The following CDH22 variants were observed in gnomAD, a reference collection of about 807,000 sequenced individuals.
CDH22 encodes cadherin 22, also known as cadherin-22.
Under a neutral mutation model 58.4 loss-of-function variants are expected in CDH22, and 30 were observed. The ratio of observed to expected loss-of-function variants is 0.51; its 90% CI spans 0.38 to 0.70. The LOEUF (loss-of-function observed/expected upper bound fraction) is 0.70. Ranked by LOEUF, CDH22 falls within the 30% of genes least tolerant of loss-of-function variation. The probability of loss-of-function intolerance (pLI) is 0.00; values close to 1 mark genes in which losing one functional copy is unlikely to be tolerated. For missense variants in CDH22, 1,014 were observed against 1,233.9 expected, an observed-to-expected ratio of 0.82 and a Z score of 2.67; for synonymous variants, 513 against 558.2, an observed-to-expected ratio of 0.92 and a Z score of 1.14.
intron 4 of CDH22, among the ~76,000 whole-genome samples, chr20:46,217,744 CACAA>C (rs571170161): frequency 1.1e-4 from 16 of 152,028 alleles, no homozygotes; most frequent in Admixed American, 5.2e-4. Context: ...CACACAAACA[CACAA>C]ACAGATACAC....
rs77594209 is a variant in CDH22 at position 46,208,957 on chromosome 20, G to C, written c.1286+1350C>G. ...CGTGTCCACTGAGTGCTGAGGCCTG[G>C]GCTAGGCCCTATGGGTATAGTGGTG... On this transcript the variant is annotated intron_variant, in intron 7 of 11. Coordinates refer to ENST00000537909, the MANE Select transcript of CDH22 (RefSeq NM_021248.3). Among the ~76,000 whole-genome samples the C allele has an allele frequency of 3.4e-3, 520 of 152,336 alleles. 2 individuals carry two copies. The highest frequency in any genetic ancestry group is 0.012 in the African/African-American group (507 of 41,572).
At chr20:46,244,454 T>C (rs2086314158) in intron 2 of CDH22, among the ~76,000 whole-genome samples, 1 of 152,216 alleles carries the variant, frequency 6.6e-6, no homozygotes, top group African/African-American at 2.4e-5. Context: ...CCTAGGAAGA[T>C]ATTTCTCAGG....
intron 1 of CDH22, among the ~76,000 whole-genome samples, chr20:46,258,306 G>A (rs905311861): frequency 9.2e-5 from 14 of 151,972 alleles, no homozygotes; most frequent in African/African-American, 3.1e-4. Context: ...CCCCCCAACC[G>A]CATCCCAGTA....
chr20:46,218,031 C>T (rs1048958677), intron 4 of CDH22, among the ~76,000 whole-genome samples: 1 of 152,042 alleles, frequency 6.6e-6, no homozygotes, highest in African/African-American at 2.4e-5. Context: ...TCAAGCAACT[C>T]TCCTGCCTCA....
At position 46,290,737 on chromosome 20, in the gene CDH22, A is replaced by G. The variant is rs140149370; in HGVS notation, c.-400+17518T>C. Among the ~76,000 whole-genome samples the G allele has an allele frequency of 3.8e-3, 581 of 152,194 alleles. 3 individuals are homozygous for G. Among genetic ancestry groups the G allele is most frequent in the Non-Finnish European group, 6.9e-3 (468 of 68,016 alleles). ...GGAGAAGGAGGAGAGGGCCAGCCCA[A>G]TGTGTCAGGGAATTCACGAAGCTAG... On this transcript the variant is annotated intron_variant, in intron 1 of 11. Transcript: ENST00000537909.
chr20:46,254,946 G>C (rs1333617364), intron 1 of CDH22, among the ~76,000 whole-genome samples: 2 of 152,196 alleles, frequency 1.3e-5, no homozygotes, highest in Non-Finnish European at 2.9e-5. Flanking sequence ...TTGGGGAGGA[G>C]AAGGCACGCT....
intron 1 of CDH22, among the ~76,000 whole-genome samples, chr20:46,265,136 A>C (rs1342526380): frequency 2.0e-5 from 3 of 152,320 alleles, no homozygotes; most frequent in East Asian, 3.9e-4. Flanking sequence ...GCCCTGTCAG[A>C]ACTCACTGCA....
intron 4 of CDH22, among the ~76,000 whole-genome samples, chr20:46,217,385 A>G (rs2086093498): frequency 6.6e-6 from 1 of 152,176 alleles, no homozygotes; most frequent in Non-Finnish European, 1.5e-5. Flanking sequence ...CTCACACAGA[A>G]TAACACACAC....
intron 1 of CDH22, among the ~76,000 whole-genome samples, chr20:46,285,933 C>G (rs956375263): frequency 1.3e-5 from 2 of 152,190 alleles, no homozygotes; most frequent in African/African-American, 4.8e-5. Flanking sequence ...CCTTAGTTTC[C>G]TAATCTCTAA....
intron 1 of CDH22, among the ~76,000 whole-genome samples, chr20:46,266,899 G>A (rs1215920284): frequency 6.8e-6 from 1 of 147,338 alleles, no homozygotes; most frequent in Non-Finnish European, 1.5e-5. Flanking sequence ...TAACAGGAAG[G>A]TCTATAGGGT....
intron 3 of CDH22, among the ~76,000 whole-genome samples, chr20:46,228,237 C>G (rs377467525): frequency 6.6e-6 from 1 of 151,576 alleles, no homozygotes; most frequent in African/African-American, 2.4e-5. Flanking sequence ...TCTTGGCCCC[C>G]GGCAGGAGAG....
At chr20:46,211,498 G>A (rs1352164186) in intron 6 of CDH22, among the ~76,000 whole-genome samples, 1 of 152,200 alleles carries the variant, frequency 6.6e-6, no homozygotes, top group Admixed American at 6.5e-5. Context: ...GTGAGTGGTG[G>A]ACTCTGGAGC....
At chr20:46,185,985 G>A (rs1261531776) in intron 10 of CDH22, among the ~76,000 whole-genome samples, 1 of 152,062 alleles carries the variant, frequency 6.6e-6, no homozygotes, top group African/African-American at 2.4e-5. Flanking sequence ...GGCCGAGGCA[G>A]GCCGATAGCT....
intron 4 of CDH22, among the ~76,000 whole-genome samples, chr20:46,220,136 G>A (rs1568662887): frequency 6.6e-6 from 1 of 151,654 alleles, no homozygotes; most frequent in Non-Finnish European, 1.5e-5. Flanking sequence ...GGGAGGGGAA[G>A]GGAGGGGAAC....
intron 8 of CDH22, among the ~76,000 whole-genome samples, chr20:46,191,641 G>C (rs775343745): frequency 6.6e-6 from 1 of 152,162 alleles, no homozygotes; most frequent in East Asian, 1.9e-4. Context: ...ATGAGGAAAC[G>C]GGCTCAGAGG....
intron 3 of CDH22, among the ~76,000 whole-genome samples, chr20:46,238,125 A>G (rs923434373): frequency 3.9e-5 from 6 of 152,182 alleles, no homozygotes; most frequent in African/African-American, 7.2e-5. Flanking sequence ...TCACTCCCTC[A>G]GTTAGGCCTT....
intron 3 of CDH22, among the ~76,000 whole-genome samples, chr20:46,235,450 C>T (rs975713670): frequency 1.3e-5 from 2 of 152,222 alleles, no homozygotes; most frequent in African/African-American, 4.8e-5. Context: ...TCTTTAGCCT[C>T]ATCTCTCTTC....
At chr20:46,291,303 C>A (rs1568684445) in intron 1 of CDH22, among the ~76,000 whole-genome samples, 1 of 151,926 alleles carries the variant, frequency 6.6e-6, no homozygotes, top group East Asian at 1.9e-4. Context: ...ATAAATAAAA[C>A]AAAAAACAAA....
intron 8 of CDH22, among the ~76,000 whole-genome samples, chr20:46,193,258 A>G (rs962895854): frequency 6.6e-6 from 1 of 152,148 alleles, no homozygotes; most frequent in African/African-American, 2.4e-5. Context: ...GGAGTCATCC[A>G]GTCCAAGAGG....
Sources: allele counts gnomAD v4.1 joint callset (sites outside exome capture counted in the v4.1 genomes callset), GRCh38; gene constraint gnomAD v4.1.1; transcripts MANE v1.5; gene names NCBI Gene and HGNC (gene_info 2026-07-23, HGNC 2026-07-21).